The following SGO2 variants were observed in gnomAD, a reference collection of about 807,000 sequenced individuals.
The protein encoded by SGO2 is shugoshin-like 2.
SGO2 carries 68 observed loss-of-function variants against 99.5 expected under a neutral mutation model. The ratio of observed to expected loss-of-function variants is 0.68; its 90% CI spans 0.56 to 0.84. The LOEUF (loss-of-function observed/expected upper bound fraction) is 0.84. Among genes scored for constraint, SGO2 ranks in the 40% least tolerant of loss-of-function variants. The pLI is 0.00. For missense variants in SGO2, 1,350 were observed against 1,436.7 expected, an observed-to-expected ratio of 0.94 and a Z score of 0.97; for synonymous variants, 457 against 487.1, an observed-to-expected ratio of 0.94 and a Z score of 0.81.
intron 1 of SGO2, among the ~76,000 whole-genome samples, chr2:200,528,325 A>G (rs1442063775): frequency 6.6e-6 from 1 of 152,224 alleles, no homozygotes; most frequent in African/African-American, 2.4e-5. Context: ...ACGTAGCTAT[A>G]GCAAATAATG....
chr2:200,537,474 T>A (rs1161644649), intron 4 of SGO2, among the ~76,000 whole-genome samples: 1 of 152,180 alleles, frequency 6.6e-6, no homozygotes, highest in Non-Finnish European at 1.5e-5. Flanking sequence ...TCACCATTGA[T>A]GTCCATGTTG....
intron 5 of SGO2, among the ~76,000 whole-genome samples, chr2:200,568,506 C>T (rs558428041): frequency 3.3e-5 from 5 of 152,222 alleles, no homozygotes; most frequent in African/African-American, 4.8e-5. Context: ...ATAGCTGCTT[C>T]GAATCTTCCT....
In SGO2 at chr2:200,572,920, C is replaced by A; in HGVS notation, c.2574C>A (p.Val858=). 1.9e-6 allele frequency: 3 copies of A among 1,594,888 alleles called. No individual in the cohort carries two copies. In the South Asian group the frequency reaches 3.5e-5, roughly 19 times the overall value. Residue 858 remains valine, a synonymous_variant, in exon 7 of 9, where the codon GTC becomes GTA. Transcript: ENST00000357799. ...DKETISENLQ[V]TNEFQTVDLL... The stretch of plus-strand genomic sequence containing the variant: ...AAACAATTTCTGAAAATCTACAAGT[C>A]ACAAATGAATTTCAAACAGTTGATC...
In SGO2 at chr2:200,529,052, A is replaced by G. The variant is rs968618835; in HGVS notation, c.-3+2800A>G. Among the ~76,000 whole-genome samples the G allele has an allele frequency of 2.0e-5, 3 of 152,230 alleles. No homozygotes were observed. The South Asian group carries it at 6.2e-4, about 31-fold the overall frequency. ...GTTCCCATATAGTAGTGGTGAGAGCAGAAATTTCATTGTAGTGGATCAAGA... is the reference window on the plus strand; with the variant it reads ...GTTCCCATATAGTAGTGGTGAGAGCGGAAATTTCATTGTAGTGGATCAAGA... On this transcript the variant is annotated intron_variant, in intron 1 of 8. Coordinates refer to ENST00000357799, the MANE Select transcript of SGO2 (RefSeq NM_152524.6).
Position 200,572,425 on chromosome 2 carries a change from G to C in SGO2, c.2079G>C (p.Lys693Asn). The C allele has an allele frequency of 6.2e-7, 1 of 1,613,384 alleles. No homozygotes were observed. Residue 693 changes from lysine (K) to asparagine (N), a missense_variant, in exon 7 of 9, where the codon AAG becomes AAC. Transcript: ENST00000357799. Reference protein sequence around the residue: ...YRTQNVLGLQKQITNMYPVQQ... With the variant: ...YRTQNVLGLQNQITNMYPVQQ... ...CCCAGAATGTGTTGGGTTTGCAAAA[G>C]CAGATCACCAATATGTACCCCGTTC...
At chr2:200,552,327 G>A (rs2032525342) in intron 5 of SGO2, among the ~76,000 whole-genome samples, 1 of 152,130 alleles carries the variant, frequency 6.6e-6, no homozygotes, top group Non-Finnish European at 1.5e-5. Context: ...GTGTCACAGT[G>A]CTCAGCTTTA....
Position 200,554,060 on chromosome 2 carries a change from G to GA in SGO2, c.473+11400dup, listed in dbSNP as rs377667343. On this transcript the variant is annotated intron_variant, in intron 5 of 8. Transcript: ENST00000357799. Reference sequence around the variant, plus strand: ...TTTCCAATTGTGTTCTGTTGCAAAAGAAAACAGATTCTTATTGTACTTATA... The same window carrying GA: ...TTTCCAATTGTGTTCTGTTGCAAAAGAAAAACAGATTCTTATTGTACTTATA... Among the ~76,000 whole-genome samples the GA allele has an allele frequency of 2.8e-3, 419 of 152,224 alleles. 2 individuals carry two copies. The highest frequency in any genetic ancestry group is 9.5e-3 in the African/African-American group (395 of 41,550).
chr2:200,543,256 A>G (rs528106932), intron 5 of SGO2: 6 of 152,496 alleles, frequency 3.9e-5, no homozygotes, highest in African/African-American at 9.6e-5. Flanking sequence ...GTGAGCCGAG[A>G]TTGCGCCACT....
At position 200,570,857 on chromosome 2, in the gene SGO2, T is replaced by C. The variant is rs146266575; in HGVS notation, c.704-193T>C. 6.6e-6 allele frequency among the ~76,000 whole-genome samples: 1 copy of C among 152,108 alleles called. No individual in the cohort carries two copies. Among genetic ancestry groups the C allele is most frequent in the East Asian group, 1.9e-4 (1 of 5,182 alleles). Reference sequence around the variant, plus strand: ...ATTTTCTGTAGATACAAATGTAAAATGTGATTTAGGAGTATTCATCATTTC... The same window carrying C: ...ATTTTCTGTAGATACAAATGTAAAACGTGATTTAGGAGTATTCATCATTTC... On this transcript the variant is annotated intron_variant, in intron 6 of 8. Coordinates refer to ENST00000357799, the MANE Select transcript of SGO2 (RefSeq NM_152524.6). The surrounding 1 kb of genome is among the most constrained non-coding windows in gnomAD (Gnocchi z 4.4).
At chr2:200,578,883 T>TGTC in intron 8 of SGO2, among the ~76,000 whole-genome samples, 1 of 152,272 alleles carries the variant, frequency 6.6e-6, no homozygotes, top group East Asian at 1.9e-4. Flanking sequence ...AAATGAATCT[T>TGTC]AGGATGGTAT....
intron 5 of SGO2, among the ~76,000 whole-genome samples, chr2:200,561,168 A>G (rs1233636459): frequency 6.6e-6 from 1 of 152,130 alleles, no homozygotes; most frequent in African/African-American, 2.4e-5. Context: ...TACATTAGGT[A>G]TGTTTCCTAA....
In SGO2 at chr2:200,571,661, C is replaced by CTGGA; in HGVS notation, c.1319_1322dup (p.Lys442TrpfsTer14). ...AAACAGGACAGAAAGATCTGATGTC[C>CTGGA]TGGATGGCAAAAGGGGTGCAGAAGA... On this transcript the variant is annotated frameshift_variant, in exon 7 of 9. Coordinates refer to ENST00000357799, the MANE Select transcript of SGO2 (RefSeq NM_152524.6). LOFTEE classifies it high-confidence loss of function. 6.2e-7 allele frequency: 1 copy of CTGGA among 1,613,542 alleles called. No individual in the cohort carries two copies. Among genetic ancestry groups the CTGGA allele is most frequent in the Non-Finnish European group, 8.5e-7 (1 of 1,179,668 alleles).
At position 200,571,835 on chromosome 2, in the gene SGO2, A is replaced by G; in HGVS notation, c.1489A>G (p.Thr497Ala). The change falls in exon 7 of 9, where the codon ACA becomes GCA. Residue 497 changes from threonine to alanine, a missense_variant. Thr to Ala is a moderately conservative substitution (Grantham distance 58). Coordinates refer to ENST00000357799, the MANE Select transcript of SGO2 (RefSeq NM_152524.6). Reference protein sequence around the residue: ...VLCNKKEKRITNEQEETYSLS... With the variant: ...VLCNKKEKRIANEQEETYSLS... ...GTGTAATAAAAAGGAGAAAAGAATAACAAATGAGCAAGAGGAAACATACTC... is the reference window on the plus strand; with the variant it reads ...GTGTAATAAAAAGGAGAAAAGAATAGCAAATGAGCAAGAGGAAACATACTC... 3 of 1,613,334 alleles carry G rather than the reference A, an allele frequency of 1.9e-6. No individual in the cohort carries two copies. The highest frequency in any genetic ancestry group is 2.5e-6 in the Non-Finnish European group (3 of 1,179,596).
chr2:200,575,984 T>C, intron 8 of SGO2: 1 of 282,094 alleles, frequency 3.5e-6, no homozygotes, highest in Non-Finnish European at 6.9e-6. Flanking sequence ...TCATGTATCC[T>C]TTTTGTTGTA....
At chr2:200,567,392 G>T (rs1308774260) in intron 5 of SGO2, among the ~76,000 whole-genome samples, 3 of 151,898 alleles carry the variant, frequency 2.0e-5, no homozygotes, top group African/African-American at 7.3e-5. Context: ...TATTTCATTG[G>T]TGTCTATTTT....
chr2:200,547,312 A>G (rs1423821658), intron 5 of SGO2, among the ~76,000 whole-genome samples: 1 of 152,208 alleles, frequency 6.6e-6, no homozygotes, highest in Non-Finnish European at 1.5e-5. Context: ...AAGGAGAGCT[A>G]AAGTCTTTCA....
chr2:200,529,504 CGTTTT>C (rs71405325), intron 1 of SGO2, among the ~76,000 whole-genome samples: 6 of 151,112 alleles, frequency 4.0e-5, no homozygotes, highest in South Asian at 4.2e-4. Context: ...AGTTTTGTTT[CGTTTT>C]GTTTTGTTTT....
At chr2:200,532,041 G>A (rs1309489566) in intron 1 of SGO2, 2 of 152,224 alleles carry the variant, frequency 1.3e-5, no homozygotes, top group South Asian at 4.1e-4. Context: ...TAATAACTTT[G>A]GGGGACCATT....
chr2:200,569,573 T>C (rs993072098), intron 5 of SGO2, 90 bp from the exon 6 acceptor site: 4 of 967,406 alleles, frequency 4.1e-6, no homozygotes, highest in Non-Finnish European at 6.1e-6. Flanking sequence ...TGTGGTTCGA[T>C]CTTAAATAGA....
Sources: gnomAD v4.1 joint callset for allele counts (sites outside exome capture counted in the v4.1 genomes callset) on GRCh38, gnomAD v4.1.1 for gene constraint, Gnocchi (gnomAD v3.1) non-coding constraint, MANE v1.5 for transcripts, NCBI Gene and HGNC (gene_info 2026-07-23, HGNC 2026-07-21) for gene names.